PHF21A: variants seen among roughly 807,000 people sequenced by gnomAD.
The protein encoded by PHF21A is PHD finger protein 21A.
A neutral mutation model predicts 82.5 loss-of-function variants in PHF21A; 11 were observed. That is an observed-to-expected ratio of 0.13 (90% CI 0.08 to 0.22). The LOEUF (loss-of-function observed/expected upper bound fraction) is 0.22, where lower values mean the gene tolerates loss of function less well. PHF21A is among the 10% of genes least tolerant of loss of function. The pLI is 1.00. For synonymous variants in PHF21A, 297 were observed against 302.8 expected, an observed-to-expected ratio of 0.98 and a Z score of 0.20; for missense variants, 579 against 837.8, an observed-to-expected ratio of 0.69 and a Z score of 3.81.
At chr11:46,099,657 G>T (rs2097063851) in intron 1 of PHF21A, among the ~76,000 whole-genome samples, 1 of 152,064 alleles carries the variant, frequency 6.6e-6, no homozygotes, top group African/African-American at 2.4e-5. Context: ...AGAAAACTCA[G>T]AGTAGGCCTT....
intron 6 of PHF21A, among the ~76,000 whole-genome samples, chr11:45,985,774 A>G (rs2094470097): frequency 6.6e-6 from 1 of 152,196 alleles, no homozygotes; most frequent in African/African-American, 2.4e-5. Flanking sequence ...TGACAGAAAC[A>G]GCATCTACAA....
At chr11:46,057,435 T>C (rs2096475169) in intron 6 of PHF21A, among the ~76,000 whole-genome samples, 1 of 152,104 alleles carries the variant, frequency 6.6e-6, no homozygotes, top group Non-Finnish European at 1.5e-5. Flanking sequence ...GCCCAGAGCA[T>C]TAGGGCTTAA....
chr11:45,985,959 A>G (rs946822675), intron 6 of PHF21A, among the ~76,000 whole-genome samples: 2 of 152,156 alleles, frequency 1.3e-5, no homozygotes, highest in African/African-American at 4.8e-5. Flanking sequence ...TTTTTTCAGT[A>G]AAGTTTAAAA....
rs57202935 is a variant in PHF21A, at chr11:45,940,690, A to G, written c.1453-2378T>C. On this transcript the variant is annotated intron_variant, in intron 15 of 18. Transcript: ENST00000676320. ...AGGCTGAGGGCTACTCTTTTCCTCT[A>G]GAGGGTCAGCCTTTCTTGAACCTTA... is the stretch of plus-strand genomic sequence containing the variant. Among the ~76,000 whole-genome samples, 1,082 of 151,794 alleles carry G rather than the reference A, an allele frequency of 7.1e-3. 12 individuals are homozygous for G. Among genetic ancestry groups the G allele is most frequent in the African/African-American group, 0.025 (1,029 of 41,368 alleles).
intron 9 of PHF21A, among the ~76,000 whole-genome samples, chr11:45,966,643 T>C (rs2135961104): frequency 6.6e-6 from 1 of 152,280 alleles, no homozygotes; most frequent in South Asian, 2.1e-4. Flanking sequence ...TTGTTTGAGA[T>C]GGAGTCTCGC....
chr11:45,931,633 C>T lies in PHF21A; in HGVS notation c.*2335G>A, dbSNP rs1051685146. The T allele has an allele frequency of 5.9e-5, 9 of 152,216 alleles. No homozygotes were observed. The highest frequency in any genetic ancestry group is 1.9e-4 in the African/African-American group (8 of 41,432). 9.4% of individuals were successfully genotyped at this position (152,216 alleles called of 1,614,324 possible). A position where few individuals can be genotyped will look rare whatever the true frequency, so the allele number is the denominator to read the frequency against. ...CATTTGCTTTCAGATCTGTCTTTGT[C>T]TCTCTGGGCCTAATTGGGTGGGAGA... is the stretch of plus-strand genomic sequence containing the variant. On this transcript the variant is annotated 3_prime_UTR_variant, in exon 19 of 19. Coordinates refer to ENST00000676320, the MANE Select transcript of PHF21A (RefSeq NM_001352027.3).
intron 3 of PHF21A, among the ~76,000 whole-genome samples, chr11:46,086,816 G>A (rs2096862253): frequency 6.6e-6 from 1 of 152,112 alleles, no homozygotes; most frequent in Non-Finnish European, 1.5e-5. Context: ...ATGAACGGCA[G>A]GTTAAAACAC....
intron 6 of PHF21A, among the ~76,000 whole-genome samples, chr11:46,028,819 G>A (rs1014285858): frequency 2.6e-5 from 4 of 151,984 alleles, no homozygotes; most frequent in Non-Finnish European, 4.4e-5. Flanking sequence ...TCGTCCACTC[G>A]CCTCGGCCTC....
chr11:46,101,775 A>G (rs2097098648), intron 1 of PHF21A, among the ~76,000 whole-genome samples: 1 of 152,034 alleles, frequency 6.6e-6, no homozygotes, highest in Non-Finnish European at 1.5e-5. Context: ...AGCTGGGACT[A>G]CAGGCACATG....
chr11:46,100,340 T>C (rs1282512795), intron 1 of PHF21A, among the ~76,000 whole-genome samples: 1 of 152,136 alleles, frequency 6.6e-6, no homozygotes, highest in Non-Finnish European at 1.5e-5. Flanking sequence ...TGGGGTCCCA[T>C]TAGGCACCCT....
chr11:46,112,947 C>A (rs925533014), intron 1 of PHF21A, among the ~76,000 whole-genome samples: 10 of 143,928 alleles, frequency 6.9e-5, no homozygotes, highest in Non-Finnish European at 1.0e-4. Flanking sequence ...ATAAAAAATA[C>A]AATAAACTAA....
intron 2 of PHF21A, among the ~76,000 whole-genome samples, chr11:46,091,100 A>G (rs1316774278): frequency 1.3e-5 from 2 of 152,196 alleles, no homozygotes; most frequent in African/African-American, 4.8e-5. Context: ...TGCCTCCATT[A>G]AACATGTTCA....
At chr11:45,936,345 T>G in intron 17 of PHF21A, 149 bp downstream of exon 17, 1 of 537,200 alleles carries the variant, frequency 1.9e-6, no homozygotes, top group Non-Finnish European at 3.3e-6. Flanking sequence ...AATAAAAAGT[T>G]TTCATTTGCT....
intron 6 of PHF21A, among the ~76,000 whole-genome samples, chr11:46,065,828 TAG>T (rs1348863317): frequency 1.3e-5 from 2 of 152,092 alleles, no homozygotes; most frequent in East Asian, 1.9e-4. Context: ...GCTCACAATC[TAG>T]AGAGGAAGAA....
At chr11:46,056,402 T>G (rs2096457474) in intron 6 of PHF21A, among the ~76,000 whole-genome samples, 1 of 152,090 alleles carries the variant, frequency 6.6e-6, no homozygotes, top group Non-Finnish European at 1.5e-5. Context: ...ATGGAGGTGA[T>G]GACAAAAGGA....
chr11:45,946,028 A>G, intron 14 of PHF21A, 25 bp from the exon 15 acceptor site: 1 of 1,614,100 alleles, frequency 6.2e-7, no homozygotes, highest in Non-Finnish European at 8.5e-7. Context: ...AAGGGAACAA[A>G]AGGGAAAAAC....
chr11:45,963,231 C>T (rs1275216254), intron 10 of PHF21A, among the ~76,000 whole-genome samples: 1 of 151,710 alleles, frequency 6.6e-6, no homozygotes, highest in Non-Finnish European at 1.5e-5. Flanking sequence ...ACCAGCCTGG[C>T]CAACATGGTG....
At chr11:46,037,910 G>A (rs983908572) in intron 6 of PHF21A, among the ~76,000 whole-genome samples, 9 of 151,762 alleles carry the variant, frequency 5.9e-5, no homozygotes, top group South Asian at 2.1e-4. Flanking sequence ...TTTTAGGATC[G>A]CTTTTCTTTT....
intron 2 of PHF21A, among the ~76,000 whole-genome samples, chr11:46,091,053 T>C (rs1397181187): frequency 6.6e-6 from 1 of 152,072 alleles, no homozygotes; most frequent in Non-Finnish European, 1.5e-5. Context: ...GCAAGTAGAA[T>C]AAAAAGGTAG....
Sources: gnomAD v4.1 joint callset for allele counts (sites outside exome capture counted in the v4.1 genomes callset) on GRCh38, gnomAD v4.1.1 for gene constraint, MANE v1.5 for transcripts, NCBI Gene and HGNC (gene_info 2026-07-23, HGNC 2026-07-21) for gene names.